Variants in LCMT1 observed in about 807,000 individuals in gnomAD.
LCMT1 encodes [Phosphatase 2A protein]-leucine-carboxy methyltransferase 1.
A neutral mutation model predicts 47.7 loss-of-function variants in LCMT1; 32 were observed. The observed-to-expected ratio is 0.67, with a 90% CI of 0.51 to 0.90. LCMT1 has a LOEUF of 0.90. LCMT1 is among the 40% of genes least tolerant of loss of function. LCMT1 has a pLI of 0.00. For missense variants in LCMT1, 375 were observed against 415.2 expected (o/e 0.90, Z 0.84); for synonymous variants, 152 against 149.7 (o/e 1.02, Z -0.11).
chr16:25,173,973 G>A (rs866288491), intron 9 of LCMT1, among the ~76,000 whole-genome samples: 7 of 152,124 alleles, frequency 4.6e-5, no homozygotes, highest in Admixed American at 1.3e-4. Context: ...GTACAGTGGC[G>A]CGATCTCTGC....
rs146594191 is a variant in LCMT1 at position 25,113,692 on chromosome 16, C to T, written c.113+1696C>T. Among the ~76,000 whole-genome samples the T allele has an allele frequency of 4.6e-3, 703 of 152,256 alleles. 6 individuals carry two copies. Among genetic ancestry groups the T allele is most frequent in the African/African-American group, 0.016 (682 of 41,534 alleles). On this transcript the variant is annotated intron_variant, in intron 1 of 10. Coordinates refer to ENST00000399069, the MANE Select transcript of LCMT1 (RefSeq NM_016309.3). ...TTCTGTGGCTTTCAGTTGCTATTGG[C>T]CACAGCTGTCTTGGCTCCTGGTAAC...
intron 4 of LCMT1, chr16:25,148,931 C>T (rs1050362259): frequency 6.6e-6 from 1 of 152,292 alleles, no homozygotes; most frequent in Admixed American, 6.5e-5. Flanking sequence ...GGCAGAGACT[C>T]TGCGGCTGGC....
intron 1 of LCMT1, among the ~76,000 whole-genome samples, chr16:25,124,862 G>C (rs1276766930): frequency 6.6e-6 from 1 of 152,192 alleles, no homozygotes; most frequent in Non-Finnish European, 1.5e-5. Flanking sequence ...CATTTTTGTA[G>C]TTAGCTATTT....
intron 1 of LCMT1, among the ~76,000 whole-genome samples, chr16:25,117,498 C>T (rs560904759): frequency 1.6e-4 from 25 of 152,274 alleles, no homozygotes; most frequent in African/African-American, 5.8e-4. Flanking sequence ...CATATCAGCT[C>T]CTCGTGTTCT....
Position 25,145,050 on chromosome 16 carries a change from T to C in LCMT1, c.404+4803T>C, listed in dbSNP as rs1311855622. 3.3e-5 allele frequency: 5 copies of C among 152,334 alleles called. No individual in the cohort carries two copies. The East Asian group carries it at 9.6e-4, about 29-fold the overall frequency. 9.4% of individuals were successfully genotyped at this position (152,334 alleles called of 1,614,324 possible). A position where few individuals can be genotyped will look rare whatever the true frequency, so the allele number is the denominator to read the frequency against. On this transcript the variant is annotated intron_variant, in intron 4 of 10. Coordinates refer to ENST00000399069, the MANE Select transcript of LCMT1 (RefSeq NM_016309.3). ...GGGGTTTAGCCGTCAGGCCATAATT[T>C]GGAATCCAAATACTACAGAAGCCCA...
At chr16:25,112,646 G>A (rs1597550996) in intron 1 of LCMT1, among the ~76,000 whole-genome samples, 1 of 152,290 alleles carries the variant, frequency 6.6e-6, no homozygotes, top group Non-Finnish European at 1.5e-5. Context: ...TTACTTTGCA[G>A]TGGTTAGTAG....
At chr16:25,121,455 A>T (rs967259010) in intron 1 of LCMT1, among the ~76,000 whole-genome samples, 4 of 152,188 alleles carry the variant, frequency 2.6e-5, no homozygotes, top group African/African-American at 9.7e-5. Context: ...TTTTTCTCTT[A>T]AAAGGTTAAT....
chr16:25,120,276 T>G (rs951059954), intron 1 of LCMT1, among the ~76,000 whole-genome samples: 3 of 151,482 alleles, frequency 2.0e-5, no homozygotes, highest in African/African-American at 7.3e-5. Context: ...CAGGCTGGAG[T>G]GCAGTGGTGC....
At chr16:25,159,588 C>G (rs1269932719) in intron 5 of LCMT1, among the ~76,000 whole-genome samples, 3 of 152,056 alleles carry the variant, frequency 2.0e-5, no homozygotes, top group Non-Finnish European at 2.9e-5. Flanking sequence ...CTTTATATTA[C>G]TTTCCTGACT....
At chr16:25,136,137 C>G (rs1960497808) in intron 3 of LCMT1, among the ~76,000 whole-genome samples, 2 of 147,580 alleles carry the variant, frequency 1.4e-5, no homozygotes, top group South Asian at 4.4e-4. Context: ...GTGAGTGAAA[C>G]CCTTTAAGGG....
In LCMT1 at chr16:25,166,225, G is replaced by T. The variant is rs570520049; in HGVS notation, c.690+1507G>T. On this transcript the variant is annotated intron_variant, in intron 7 of 10. Transcript: ENST00000399069. ...GCGGATGTTGCAGTGAGCCGAGACT[G>T]CACCACTACACTCCAGCCTGAGTGA... Among the ~76,000 whole-genome samples, 11 of 147,122 alleles carry T rather than the reference G, an allele frequency of 7.5e-5. No homozygotes were observed. The South Asian group carries it at 2.3e-3, about 31-fold the overall frequency.
intron 4 of LCMT1, chr16:25,144,161 C>G (rs573143194): frequency 1.3e-5 from 2 of 152,370 alleles, no homozygotes; most frequent in East Asian, 3.9e-4. Context: ...TGGATCCTTA[C>G]GTTTGCCTGG....
intron 1 of LCMT1, among the ~76,000 whole-genome samples, chr16:25,125,587 C>T (rs1239746286): frequency 6.6e-6 from 1 of 152,046 alleles, no homozygotes; most frequent in Non-Finnish European, 1.5e-5. Flanking sequence ...GTAATCCCAG[C>T]ACTTTGGGAG....
chr16:25,112,089 C>G, intron 1 of LCMT1, 93 bp downstream of exon 1: 1 of 822,332 alleles, frequency 1.2e-6, no homozygotes, highest in South Asian at 1.4e-5. Context: ...TCAAGGCTGG[C>G]AGGGATGCAG....
Position 25,128,472 on chromosome 16 carries a change from C to A in LCMT1, c.114-3C>A, listed in dbSNP as rs1960251787. On this transcript the variant is annotated splice_polypyrimidine_tract_variant and splice_region_variant and intron_variant, in intron 1 of 10. Transcript: ENST00000399069. ...CACCTTCCTCCTTTTTTCTCCCTTCCAGGTTTGCAGTAAGCATTGGCTACT... is the reference window on the plus strand; with the variant it reads ...CACCTTCCTCCTTTTTTCTCCCTTCAAGGTTTGCAGTAAGCATTGGCTACT... The A allele has an allele frequency of 6.2e-7, 1 of 1,603,604 alleles. No homozygotes were observed. Among genetic ancestry groups the A allele is most frequent in the Non-Finnish European group, 8.5e-7 (1 of 1,174,420 alleles).
intron 5 of LCMT1, among the ~76,000 whole-genome samples, chr16:25,153,901 C>T (rs12917728): frequency 0.65 from 99,267 of 151,906 alleles, 33,229 homozygotes; most frequent in Non-Finnish European, 0.74. Flanking sequence ...TGCAGTGAGC[C>T]GAGATCATGC....
At chr16:25,177,051 A>G (rs1725756683) in intron 10 of LCMT1, among the ~76,000 whole-genome samples, 2 of 151,842 alleles carry the variant, frequency 1.3e-5, no homozygotes, top group Non-Finnish European at 2.9e-5. Flanking sequence ...GTGGTGGCAC[A>G]TGCCTGTAGT....
intron 4 of LCMT1, chr16:25,144,800 T>G (rs1159115356): frequency 2.6e-5 from 4 of 152,210 alleles, no homozygotes; most frequent in Non-Finnish European, 4.4e-5. Flanking sequence ...TGGATTTGTC[T>G]GTTTCGAAAA....
At chr16:25,119,431 C>G (rs1959899432) in intron 1 of LCMT1, among the ~76,000 whole-genome samples, 1 of 152,198 alleles carries the variant, frequency 6.6e-6, no homozygotes, top group South Asian at 2.1e-4. Flanking sequence ...GCCACATGAG[C>G]TGTATTTGTC....
Sources: gnomAD v4.1 joint callset for allele counts (sites outside exome capture counted in the v4.1 genomes callset) on GRCh38, gnomAD v4.1.1 for gene constraint, MANE v1.5 for transcripts, NCBI Gene and HGNC (gene_info 2026-07-23, HGNC 2026-07-21) for gene names.